The following TANC1 variants were observed in gnomAD, a reference collection of about 807,000 sequenced individuals.
The protein encoded by TANC1 is tetratricopeptide repeat, ankyrin repeat and coiled-coil containing 1.
TANC1 carries 77 observed loss-of-function variants against 149.7 expected under a neutral mutation model. The ratio of observed to expected loss-of-function variants is 0.51; its 90% CI spans 0.43 to 0.62. TANC1 has a LOEUF of 0.62. Among genes scored for constraint, TANC1 ranks in the 20% least tolerant of loss-of-function variants. The pLI, the probability that TANC1 is intolerant of heterozygous loss-of-function variation, is 0.00. For synonymous variants in TANC1, 854 were observed against 925.0 expected, an observed-to-expected ratio of 0.92 and a Z score of 1.39; for missense variants, 1,985 against 2,321.8, an observed-to-expected ratio of 0.85 and a Z score of 2.98.
At position 159,094,953 on chromosome 2, in the gene TANC1, G is replaced by GT. The variant is rs972340531; in HGVS notation, c.62-2674dup. 7.3e-3 allele frequency among the ~76,000 whole-genome samples: 1,080 copies of GT among 147,490 alleles called. 9 individuals are homozygous for GT. The highest frequency in any genetic ancestry group is 0.022 in the African/African-American group (875 of 40,270). On this transcript the variant is annotated intron_variant, in intron 3 of 26. Transcript: ENST00000263635. ...GGTGTTTTTTTATTGTTTGTTTTTT[G>GT]TTTTTTTTTTGAGATGGAGTCTCGC...
At chr2:159,187,164 A>G in intron 16 of TANC1, 140 bp downstream of exon 16, 4 of 1,016,284 alleles carry the variant, frequency 3.9e-6, no homozygotes, top group South Asian at 3.4e-5. Context: ...TTCCCTGATC[A>G]CACGGGCTTG....
rs182418233 is a variant in TANC1, at chr2:159,089,395, A to G, written c.62-8242A>G. Among the ~76,000 whole-genome samples the G allele has an allele frequency of 3.2e-3, 481 of 152,170 alleles. 1 individual carries two copies. The highest frequency in any genetic ancestry group is 0.02 in the Middle Eastern group (6 of 294). ...TTTAAAAAGAAACAGGAATTCATGC[A>G]TTTATCGCCTGCACCCCACCTCCAC... On this transcript the variant is annotated intron_variant, in intron 3 of 26. Transcript: ENST00000263635.
At chr2:159,115,629 A>G (rs2048168706) in intron 4 of TANC1, among the ~76,000 whole-genome samples, 1 of 152,148 alleles carries the variant, frequency 6.6e-6, no homozygotes, top group South Asian at 2.1e-4. Flanking sequence ...ACTCTGCCCA[A>G]CGGTCCGGAG....
chr2:159,065,846 T>A, intron 2 of TANC1, 50 bp from the exon 3 acceptor site: 6 of 1,487,672 alleles, frequency 4.0e-6, no homozygotes, highest in Non-Finnish European at 5.6e-6. Context: ...CAAGTTATAT[T>A]CCAACTTTCA....
At chr2:159,026,931 C>T (rs185147305) in intron 2 of TANC1, 1 of 152,266 alleles carries the variant, frequency 6.6e-6, no homozygotes, top group Admixed American at 6.5e-5. Context: ...TTTTCCTATT[C>T]TCTTGATAAT....
chr2:159,186,734 G>GT, intron 15 of TANC1, 168 bp from the exon 16 acceptor site: 2 of 757,626 alleles, frequency 2.6e-6, no homozygotes, highest in Non-Finnish European at 4.2e-6. Flanking sequence ...GTTTCAGGTA[G>GT]TGAAAGCTCG....
chr2:159,194,514 T>C lies in TANC1; in HGVS notation c.2979+21T>C, dbSNP rs757302888. 6 of 1,594,252 alleles carry C rather than the reference T, an allele frequency of 3.8e-6. No individual in the cohort carries two copies. The South Asian group carries it at 6.6e-5, about 18-fold the overall frequency. Reference sequence around the variant, plus strand: ...TGAGAGTAAGCGGCAGCCTGCTCTTTTGGGGCTGGGGCAGGGAAATGGCTT... The same window carrying C: ...TGAGAGTAAGCGGCAGCCTGCTCTTCTGGGGCTGGGGCAGGGAAATGGCTT... On this transcript the variant is annotated intron_variant, in intron 17 of 26. Transcript: ENST00000263635.
At chr2:159,193,672 C>T (rs773029910) in intron 16 of TANC1, among the ~76,000 whole-genome samples, 5 of 152,044 alleles carry the variant, frequency 3.3e-5, no homozygotes, top group Non-Finnish European at 7.4e-5. Context: ...TACAGGCACA[C>T]ACCACCACGC....
intron 1 of TANC1, among the ~76,000 whole-genome samples, chr2:158,993,433 G>A (rs2035860670): frequency 6.6e-6 from 1 of 152,068 alleles, no homozygotes; most frequent in Non-Finnish European, 1.5e-5. Flanking sequence ...TGTATTTTTT[G>A]TAGAGACAGG....
chr2:159,131,248 G>T (rs1263054788), intron 4 of TANC1, among the ~76,000 whole-genome samples: 1 of 152,082 alleles, frequency 6.6e-6, no homozygotes, highest in East Asian at 1.9e-4. Flanking sequence ...AACATGAAAA[G>T]AAAACGGCAC....
In TANC1 at chr2:159,149,181, C is replaced by T; in HGVS notation, c.404C>T (p.Ala135Val). 2 of 1,612,972 alleles carry T rather than the reference C, an allele frequency of 1.2e-6. No individual in the cohort carries two copies. Among genetic ancestry groups the T allele is most frequent in the Non-Finnish European group, 1.7e-6 (2 of 1,179,238 alleles). The change falls in exon 6 of 27, where the codon GCT becomes GTT. Residue 135 changes from alanine to valine, a missense_variant. This residue lies in a region of TANC1 where 557 missense variants were observed against 612.9 expected (regional missense o/e 0.91). Transcript: ENST00000263635. The part of the protein sequence containing the change: ...ADNEPSCSPA[A>V]QELLTRLGFL... ...AATGAACCGAGCTGTTCGCCGGCAG[C>T]TCAAGAACTGTTGACAAGGCTGGGA...
intron 7 of TANC1, among the ~76,000 whole-genome samples, chr2:159,153,332 C>A (rs865976050): frequency 1.3e-5 from 2 of 152,228 alleles, no homozygotes; most frequent in Admixed American, 6.5e-5. Context: ...TCTGCTCAAG[C>A]CAACATTTTC....
At chr2:159,076,164 G>A (rs264649) in intron 3 of TANC1, among the ~76,000 whole-genome samples, 105,991 of 151,956 alleles carry the variant, frequency 0.7, 37,154 homozygotes, top group Non-Finnish European at 0.73. Flanking sequence ...TGAGGGGCTT[G>A]TTAGTCTTGT....
intron 16 of TANC1, among the ~76,000 whole-genome samples, chr2:159,193,585 T>G (rs1271162120): frequency 1.3e-5 from 2 of 152,068 alleles, no homozygotes; most frequent in Non-Finnish European, 2.9e-5. Context: ...AGTGCAGTGG[T>G]GCAATCTCAG....
chr2:159,050,458 G>T (rs182132839), intron 2 of TANC1, among the ~76,000 whole-genome samples: 5 of 152,310 alleles, frequency 3.3e-5, no homozygotes, highest in Admixed American at 3.3e-4. Context: ...TAGGCCCCAT[G>T]CTGTGTAACA....
chr2:159,131,075 C>G (rs1208807627), intron 4 of TANC1, among the ~76,000 whole-genome samples: 1 of 152,020 alleles, frequency 6.6e-6, no homozygotes, highest in South Asian at 2.1e-4. Flanking sequence ...GATGAGCTTC[C>G]CCAGAGAGGA....
At chr2:159,059,934 T>G (rs1452535710) in intron 2 of TANC1, among the ~76,000 whole-genome samples, 38 of 76,102 alleles carry the variant, frequency 5.0e-4, no homozygotes, top group Admixed American at 9.0e-4. Flanking sequence ...GTGTGTGGTT[T>G]TTTGTTGTTG....
At chr2:159,105,615 T>C (rs1045286198) in intron 4 of TANC1, among the ~76,000 whole-genome samples, 1 of 152,218 alleles carries the variant, frequency 6.6e-6, no homozygotes, top group African/African-American at 2.4e-5. Context: ...ACAACCACTT[T>C]TGATGGTCGC....
intron 4 of TANC1, among the ~76,000 whole-genome samples, chr2:159,102,632 T>C (rs555513918): frequency 2.4e-5 from 3 of 125,050 alleles, no homozygotes; most frequent in Non-Finnish European, 5.1e-5. Flanking sequence ...TCCAGTTTAC[T>C]TGAAGAGTTT....
Sources: allele counts gnomAD v4.1 joint callset (sites outside exome capture counted in the v4.1 genomes callset), GRCh38; gene constraint gnomAD v4.1.1; regional missense constraint gnomAD v4.1.1; transcripts MANE v1.5; gene names NCBI Gene and HGNC (gene_info 2026-07-23, HGNC 2026-07-21).